Variants in SSBP2 observed in about 807,000 individuals in gnomAD.
SSBP2 encodes single-stranded DNA-binding protein 2.
In SSBP2, 17 loss-of-function variants were observed where a neutral mutation model predicts 61.8. The observed-to-expected ratio is 0.28, with a 90% CI of 0.19 to 0.41. The LOEUF is 0.41. SSBP2 is among the 10% of genes least tolerant of loss of function. The pLI is 1.00. For missense variants in SSBP2, 310 were observed against 458.7 expected, an observed-to-expected ratio of 0.68 and a Z score of 2.96; for synonymous variants, 139 against 141.3, an observed-to-expected ratio of 0.98 and a Z score of 0.12.
At chr5:81,733,534 C>T (rs988663298) in intron 1 of SSBP2, among the ~76,000 whole-genome samples, 10 of 152,046 alleles carry the variant, frequency 6.6e-5, no homozygotes, top group East Asian at 3.8e-4. Context: ...TTTCAAAAAA[C>T]GTGAATTTAT....
chr5:81,623,957 A>G (rs1383937052), intron 3 of SSBP2, among the ~76,000 whole-genome samples: 1 of 152,156 alleles, frequency 6.6e-6, no homozygotes, highest in East Asian at 1.9e-4. Context: ...CTTGTTTAAC[A>G]TAGGCAAAGA....
chr5:81,419,804 A>T lies in SSBP2; in HGVS notation c.*700T>A, dbSNP rs1761485257. 6.6e-6 allele frequency: 1 copy of T among 152,240 alleles called. No homozygotes were observed. Among genetic ancestry groups the T allele is most frequent in the Non-Finnish European group, 1.5e-5 (1 of 68,042 alleles). The allele number at this position is 152,240 out of a possible 1,614,324, so 9.4% of individuals were successfully genotyped here. ...GAAGTGTTTTTCTCAAATAAAAATT[A>T]AAAAAATACTTTTCACTGAAGGTAA... is the stretch of plus-strand genomic sequence containing the variant. On this transcript the variant is annotated 3_prime_UTR_variant, in exon 17 of 17. Coordinates refer to ENST00000320672, the MANE Select transcript of SSBP2 (RefSeq NM_012446.5).
rs1306206000 is a variant in SSBP2 at position 81,544,210 on chromosome 5, G to A, written c.283-30493C>T. 4.6e-5 allele frequency among the ~76,000 whole-genome samples: 7 copies of A among 152,120 alleles called. No individual in the cohort carries two copies. In the South Asian group the frequency reaches 1.0e-3, roughly 23 times the overall value. ...GACTACAGGCGATGCCACCACGCCCGGCTAATTTTTGTATTTTTAGTAGAG... is the reference window on the plus strand; with the variant it reads ...GACTACAGGCGATGCCACCACGCCCAGCTAATTTTTGTATTTTTAGTAGAG... On this transcript the variant is annotated intron_variant, in intron 4 of 16. Transcript: ENST00000320672.
At chr5:81,474,129 C>T (rs1439099792) in intron 7 of SSBP2, among the ~76,000 whole-genome samples, 1 of 152,154 alleles carries the variant, frequency 6.6e-6, no homozygotes, top group Non-Finnish European at 1.5e-5. Flanking sequence ...CTGCTTAGCA[C>T]CTTCTTTCCC....
At chr5:81,615,647 T>C in intron 3 of SSBP2, 90 bp from the exon 4 acceptor site, 1 of 877,222 alleles carries the variant, frequency 1.1e-6, no homozygotes, top group Non-Finnish European at 1.8e-6. Context: ...TGTTTTTCTT[T>C]ATACAAAATG....
intron 3 of SSBP2, among the ~76,000 whole-genome samples, chr5:81,626,323 G>A (rs777166287): frequency 2.0e-5 from 3 of 152,246 alleles, no homozygotes; most frequent in East Asian, 1.9e-4. Context: ...CATCATATAC[G>A]AAGTATCACA....
In SSBP2 at chr5:81,497,771, T is replaced by C. The variant is rs536897471; in HGVS notation, c.373-8462A>G. The stretch of plus-strand genomic sequence containing the variant: ...ATAAGGCCTTTCATTCTCTCCTGCT[T>C]TCAGGTTTCTCTTACTGTTTCTGGG... On this transcript the variant is annotated intron_variant, in intron 5 of 16. Transcript: ENST00000320672. Among the ~76,000 whole-genome samples, 184 of 152,286 alleles carry C rather than the reference T, an allele frequency of 1.2e-3. 1 individual carries two copies. The highest frequency in any genetic ancestry group is 2.0e-3 in the Non-Finnish European group (135 of 67,974).
At chr5:81,679,854 A>G (rs1212664038) in intron 1 of SSBP2, among the ~76,000 whole-genome samples, 1 of 151,786 alleles carries the variant, frequency 6.6e-6, no homozygotes, top group East Asian at 1.9e-4. Context: ...TGTCTGGGAG[A>G]GACTTGCATT....
chr5:81,442,544 G>A (rs1200692457), intron 13 of SSBP2, 109 bp downstream of exon 13: 2 of 620,694 alleles, frequency 3.2e-6, no homozygotes, highest in Admixed American at 3.6e-5. Flanking sequence ...TATCTAATAA[G>A]CTCCTGGATA....
At chr5:81,439,529 G>A (rs1175396595) in intron 14 of SSBP2, among the ~76,000 whole-genome samples, 4 of 149,484 alleles carry the variant, frequency 2.7e-5, no homozygotes, top group Non-Finnish European at 5.9e-5. Context: ...TTGAGATGGA[G>A]TTTTGCTCGT....
At chr5:81,653,430 T>A (rs1038047619) in intron 1 of SSBP2, among the ~76,000 whole-genome samples, 2 of 152,220 alleles carry the variant, frequency 1.3e-5, no homozygotes, top group African/African-American at 2.4e-5. Context: ...GTCTTTTTAG[T>A]AGAATGATTC....
intron 1 of SSBP2, among the ~76,000 whole-genome samples, chr5:81,729,105 T>A (rs77925376): frequency 0.046 from 6,931 of 152,246 alleles, 226 homozygotes; most frequent in Middle Eastern, 0.12. Context: ...CACATAAATG[T>A]ATATAATTAT....
At chr5:81,510,717 C>T (rs1285226789) in intron 5 of SSBP2, among the ~76,000 whole-genome samples, 2 of 151,784 alleles carry the variant, frequency 1.3e-5, no homozygotes, top group Non-Finnish European at 2.9e-5. Flanking sequence ...GCCGAGATCA[C>T]GCCACTGCAC....
At chr5:81,661,060 G>C (rs899594138) in intron 1 of SSBP2, among the ~76,000 whole-genome samples, 4 of 152,080 alleles carry the variant, frequency 2.6e-5, no homozygotes, top group African/African-American at 9.7e-5. Flanking sequence ...TAATGAATGT[G>C]GGGCTTAACA....
chr5:81,739,576 G>C (rs186507901), intron 1 of SSBP2, among the ~76,000 whole-genome samples: 1 of 152,238 alleles, frequency 6.6e-6, no homozygotes, highest in Non-Finnish European at 1.5e-5. Flanking sequence ...CTGATGGGCA[G>C]AGATTGCCAG....
intron 4 of SSBP2, among the ~76,000 whole-genome samples, chr5:81,562,426 A>C (rs1044748084): frequency 6.6e-6 from 1 of 152,190 alleles, no homozygotes; most frequent in African/African-American, 2.4e-5. Context: ...ACTGCACTTT[A>C]TAAGAGATAA....
chr5:81,462,571 G>C (rs1764615310), intron 9 of SSBP2, among the ~76,000 whole-genome samples: 1 of 152,116 alleles, frequency 6.6e-6, no homozygotes, highest in Non-Finnish European at 1.5e-5. Context: ...ATTGTCTTTG[G>C]AAATTGTTGC....
Position 81,440,842 on chromosome 5 carries a change from A to G in SSBP2, c.850-206T>C, listed in dbSNP as rs535464014. Among the ~76,000 whole-genome samples the G allele has an allele frequency of 2.6e-5, 4 of 152,364 alleles. No homozygotes were observed. In the South Asian group the frequency reaches 6.2e-4, roughly 24 times the overall value. On this transcript the variant is annotated intron_variant, in intron 13 of 16. Coordinates refer to ENST00000320672, the MANE Select transcript of SSBP2 (RefSeq NM_012446.5). ...TCATATTGTTTTCTCTATGTTCCAC[A>G]TATAGATGTTTAGCTTAATCATCAT...
intron 1 of SSBP2, among the ~76,000 whole-genome samples, chr5:81,672,996 G>A (rs1050373244): frequency 6.6e-6 from 1 of 150,972 alleles, no homozygotes; most frequent in Non-Finnish European, 1.5e-5. Flanking sequence ...TTGCCACCAC[G>A]ATGGCTAATT....
Sources: allele counts gnomAD v4.1 joint callset (sites outside exome capture counted in the v4.1 genomes callset), GRCh38; gene constraint gnomAD v4.1.1; transcripts MANE v1.5; gene names NCBI Gene and HGNC (gene_info 2026-07-23, HGNC 2026-07-21).